The following SRRM4 variants were observed in gnomAD, a reference collection of about 807,000 sequenced individuals.
SRRM4 encodes serine/arginine repetitive matrix protein 4.
In SRRM4, 33 loss-of-function variants were observed where a neutral mutation model predicts 68.9. That is an observed-to-expected ratio of 0.48 (90% confidence interval 0.36 to 0.64). The LOEUF (loss-of-function observed/expected upper bound fraction) is 0.64. SRRM4 is among the 30% of genes least tolerant of loss of function. The pLI, the probability that SRRM4 is intolerant of heterozygous loss-of-function variation, is 0.00. For synonymous variants in SRRM4, 318 were observed against 318.8 expected, an observed-to-expected ratio of 1.00 and a Z score of 0.03; for missense variants, 817 against 827.1, an observed-to-expected ratio of 0.99 and a Z score of 0.15.
chr12:119,110,030 G>A (rs1954132442), intron 2 of SRRM4, among the ~76,000 whole-genome samples: 1 of 152,198 alleles, frequency 6.6e-6, no homozygotes, highest in Non-Finnish European at 1.5e-5. Flanking sequence ...CTGTTTGTTA[G>A]TTTTCCTTCT....
chr12:119,102,932 T>C (rs1013531744), intron 2 of SRRM4, among the ~76,000 whole-genome samples: 4 of 152,172 alleles, frequency 2.6e-5, no homozygotes, highest in African/African-American at 9.6e-5. Context: ...AAAAATACTG[T>C]ATACTCAGCA....
chr12:119,061,453 A>G (rs1953811916), intron 1 of SRRM4, among the ~76,000 whole-genome samples: 2 of 152,210 alleles, frequency 1.3e-5, no homozygotes, highest in African/African-American at 4.8e-5. Context: ...CAGTGAATCC[A>G]ACCATGAAAG....
chr12:119,085,774 G>A (rs1305495568), intron 1 of SRRM4, among the ~76,000 whole-genome samples: 2 of 152,210 alleles, frequency 1.3e-5, no homozygotes, highest in Admixed American at 1.3e-4. Flanking sequence ...CTGGGTGAGA[G>A]ACGGTGGTGG....
intron 1 of SRRM4, among the ~76,000 whole-genome samples, chr12:119,004,225 C>T (rs1352821479): frequency 6.6e-6 from 1 of 151,966 alleles, no homozygotes; most frequent in Non-Finnish European, 1.5e-5. Flanking sequence ...ATTCTGAGAC[C>T]ATAAGATTCA....
chr12:119,127,761 A>C (rs1280387228), intron 7 of SRRM4, among the ~76,000 whole-genome samples: 2 of 149,108 alleles, frequency 1.3e-5, no homozygotes, highest in Non-Finnish European at 3.0e-5. Flanking sequence ...GAAAGGAAGA[A>C]AAAGGGAGAA....
intron 1 of SRRM4, among the ~76,000 whole-genome samples, chr12:118,982,816 T>G (rs1594012975): frequency 1.4e-5 from 2 of 147,970 alleles, no homozygotes; most frequent in South Asian, 2.2e-4. Flanking sequence ...GAACAGGAGG[T>G]GGGGTGAGAG....
chr12:119,031,051 A>T (rs1414308843), intron 1 of SRRM4: 1 of 152,194 alleles, frequency 6.6e-6, no homozygotes, highest in Non-Finnish European at 1.5e-5. Context: ...AGCAGTTTAA[A>T]CAACACACAT....
At chr12:119,114,660 C>CTT (rs68020424) in intron 3 of SRRM4, among the ~76,000 whole-genome samples, 2,870 of 101,338 alleles carry the variant, frequency 0.028, 120 homozygotes, top group East Asian at 0.087. Flanking sequence ...GAAGCATAGT[C>CTT]TTTTTTTTTT....
chr12:119,056,808 A>AT (rs1491015864), intron 1 of SRRM4, among the ~76,000 whole-genome samples: 3 of 149,454 alleles, frequency 2.0e-5, no homozygotes, highest in Admixed American at 6.7e-5. Flanking sequence ...AATTACACAT[A>AT]TTTTTTCCCA....
chr12:119,021,711 G>C (rs1423567129), intron 1 of SRRM4, among the ~76,000 whole-genome samples: 1 of 152,216 alleles, frequency 6.6e-6, no homozygotes, highest in Non-Finnish European at 1.5e-5. Flanking sequence ...AATGCTTGCT[G>C]AGGATGAGGC....
At chr12:119,153,717 G>T in intron 11 of SRRM4, 68 bp downstream of exon 11, 1 of 1,185,640 alleles carries the variant, frequency 8.4e-7, no homozygotes, top group Non-Finnish European at 1.2e-6. Context: ...CCTCCTCTCT[G>T]GCCCCGCCTC....
rs1592905768 is a variant in SRRM4, at chr12:119,120,186, T to C, written c.438-64T>C. On this transcript the variant is annotated intron_variant, in intron 4 of 12. Coordinates refer to ENST00000267260, the MANE Select transcript of SRRM4 (RefSeq NM_194286.4). ...CTCTCTCCATCTCTCTCTCTCTCCC[T>C]CTCTTTCTCTGCCTTTTTTTTCTTT... The C allele has an allele frequency of 3.6e-6, 4 of 1,096,506 alleles. No homozygotes were observed. The South Asian group carries it at 5.4e-5, about 15-fold the overall frequency. The allele number at this position is 1,096,506 out of a possible 1,614,324, so 67.9% of individuals were successfully genotyped here.
At position 119,132,993 on chromosome 12, in the gene SRRM4, C is replaced by A. The variant is rs184747843; in HGVS notation, c.771+2159C>A. 2.5e-4 allele frequency: 38 copies of A among 152,236 alleles called. 1 individual carries two copies. Among genetic ancestry groups the A allele is most frequent in the Non-Finnish European group, 5.3e-4 (36 of 68,014 alleles). The allele number at this position is 152,236 out of a possible 1,614,324, so 9.4% of individuals were successfully genotyped here. On this transcript the variant is annotated intron_variant, in intron 8 of 12. Transcript: ENST00000267260. ...TAATAATAATATAGATAATAACAGT[C>A]TCTTCTTCAGAAGGCAGCTGTTGAG... is the stretch of plus-strand genomic sequence containing the variant.
At chr12:119,069,969 T>G (rs907879640) in intron 1 of SRRM4, among the ~76,000 whole-genome samples, 1 of 152,132 alleles carries the variant, frequency 6.6e-6, no homozygotes, top group African/African-American at 2.4e-5. Context: ...AGGTGGAGAC[T>G]AACGTGAGTT....
At chr12:119,026,180 G>GA (rs1438939316) in intron 1 of SRRM4, among the ~76,000 whole-genome samples, 1 of 151,936 alleles carries the variant, frequency 6.6e-6, no homozygotes, top group African/African-American at 2.4e-5. Context: ...TTTATGTCAT[G>GA]AAAAAAATCA....
intron 1 of SRRM4, among the ~76,000 whole-genome samples, chr12:119,072,834 T>C (rs1263708369): frequency 6.6e-6 from 1 of 152,210 alleles, no homozygotes; most frequent in African/African-American, 2.4e-5. Context: ...CCCTGTGAGT[T>C]GGCCATGATT....
intron 1 of SRRM4, among the ~76,000 whole-genome samples, chr12:118,998,268 CAAAAAAA>C (rs35250419): frequency 2.1e-3 from 76 of 36,580 alleles, no homozygotes; most frequent in African/African-American, 7.4e-3. Context: ...AGCAATATGG[CAAAAAAA>C]AAAAAAAAAA....
chr12:119,039,509 C>T (rs1476590868), intron 1 of SRRM4, among the ~76,000 whole-genome samples: 3 of 152,204 alleles, frequency 2.0e-5, no homozygotes, highest in Non-Finnish European at 2.9e-5. Flanking sequence ...TAGTAAATCA[C>T]TCATCACTTC....
intron 1 of SRRM4, among the ~76,000 whole-genome samples, chr12:119,024,171 TG>T (rs939642414): frequency 8.5e-5 from 13 of 152,204 alleles, no homozygotes; most frequent in African/African-American, 3.1e-4. Context: ...TGGCCCATCA[TG>T]GGGGCTCAAA....
Sources: gnomAD v4.1 joint callset for allele counts (sites outside exome capture counted in the v4.1 genomes callset) on GRCh38, gnomAD v4.1.1 for gene constraint, MANE v1.5 for transcripts, NCBI Gene and HGNC (gene_info 2026-07-23, HGNC 2026-07-21) for gene names.